Variants in KPNA1 observed in about 807,000 individuals in gnomAD.
KPNA1 encodes the protein importin subunit alpha-5.
In KPNA1, 10 loss-of-function variants were observed where a neutral mutation model predicts 70.5. The observed-to-expected ratio is 0.14, with a 90% CI of 0.09 to 0.24. The LOEUF (loss-of-function observed/expected upper bound fraction) is 0.24, where lower values mean the gene tolerates loss of function less well. KPNA1 is among the 10% of genes least tolerant of loss of function. KPNA1 has a pLI of 1.00. For synonymous variants in KPNA1, 192 were observed against 221.9 expected (o/e 0.87, Z 1.20); for missense variants, 397 against 637.9 (o/e 0.62, Z 4.07).
chr3:122,435,310 T>C (rs2075970681), intron 11 of KPNA1, among the ~76,000 whole-genome samples: 1 of 152,186 alleles, frequency 6.6e-6, no homozygotes, highest in South Asian at 2.1e-4. Context: ...CACTGTTCCA[T>C]CCTTGAACAT....
Position 122,505,735 on chromosome 3 carries a change from C to T in KPNA1, c.-6+9022G>A, listed in dbSNP as rs535039682. On this transcript the variant is annotated intron_variant, in intron 1 of 13. Coordinates refer to ENST00000344337, the MANE Select transcript of KPNA1 (RefSeq NM_002264.4). ...AGACAGATCCCCTCACTTTCTCCTT[C>T]ATGTCTAGTTACTCAATTATCAAAT... Among the ~76,000 whole-genome samples, 5 of 152,344 alleles carry T rather than the reference C, an allele frequency of 3.3e-5. No homozygotes were observed. In the East Asian group the frequency reaches 9.6e-4, roughly 29 times the overall value.
intron 2 of KPNA1, among the ~76,000 whole-genome samples, chr3:122,485,571 T>G (rs2076620094): frequency 6.6e-6 from 1 of 151,968 alleles, no homozygotes; most frequent in Non-Finnish European, 1.5e-5. Flanking sequence ...AAAATATGTG[T>G]AAAACACGTA....
At chr3:122,513,111 A>G (rs193031205) in intron 1 of KPNA1, among the ~76,000 whole-genome samples, 1 of 152,352 alleles carries the variant, frequency 6.6e-6, no homozygotes, top group East Asian at 1.9e-4. Context: ...AAAAGTATGA[A>G]AGGAGAGAAA....
chr3:122,482,733 A>C (rs1362242710), intron 2 of KPNA1, among the ~76,000 whole-genome samples: 1 of 152,246 alleles, frequency 6.6e-6, no homozygotes, highest in African/African-American at 2.4e-5. Flanking sequence ...AATAACAATT[A>C]CAACAGCATC....
At position 122,475,642 on chromosome 3, in the gene KPNA1, C is replaced by T. The variant is rs79913889; in HGVS notation, c.130-8213G>A. 6.7e-3 allele frequency among the ~76,000 whole-genome samples: 1,014 copies of T among 152,194 alleles called. 5 individuals carry two copies. Among genetic ancestry groups the T allele is most frequent in the African/African-American group, 0.023 (971 of 41,520 alleles). On this transcript the variant is annotated intron_variant, in intron 2 of 13. Coordinates refer to ENST00000344337, the MANE Select transcript of KPNA1 (RefSeq NM_002264.4). ...GACACAGGCGTTAGGGAAGCCAATC[C>T]CCTACGCAGTCAAAAACCTACATAT...
chr3:122,510,577 T>C (rs2076943994), intron 1 of KPNA1, among the ~76,000 whole-genome samples: 1 of 152,234 alleles, frequency 6.6e-6, no homozygotes, highest in Non-Finnish European at 1.5e-5. Flanking sequence ...ACACCTGTGA[T>C]AACTATATTT....
intron 2 of KPNA1, among the ~76,000 whole-genome samples, chr3:122,486,988 T>C (rs2076637079): frequency 6.6e-6 from 1 of 152,168 alleles, no homozygotes; most frequent in South Asian, 2.1e-4. Flanking sequence ...CTGTCCTGTG[T>C]GAACTGTAGC....
At chr3:122,455,543 G>A (rs113241711) in intron 5 of KPNA1, among the ~76,000 whole-genome samples, 32 of 152,004 alleles carry the variant, frequency 2.1e-4, no homozygotes, top group African/African-American at 6.5e-4. Flanking sequence ...CATTTGTACC[G>A]TACTTTATAT....
chr3:122,489,677 A>C (rs1370016163), intron 2 of KPNA1, among the ~76,000 whole-genome samples: 1 of 152,190 alleles, frequency 6.6e-6, no homozygotes, highest in Non-Finnish European at 1.5e-5. Flanking sequence ...CATCTTTATC[A>C]GTCGAGTCAG....
intron 5 of KPNA1, chr3:122,460,662 A>AT (rs59135969): frequency 1.2e-3 from 965 of 797,234 alleles, no homozygotes; most frequent in East Asian, 1.4e-3. Context: ...AAAAAAAAAA[A>AT]GAAAATTCTG....
At chr3:122,485,444 T>C (rs1425874719) in intron 2 of KPNA1, among the ~76,000 whole-genome samples, 1 of 135,856 alleles carries the variant, frequency 7.4e-6, no homozygotes, top group Admixed American at 7.5e-5. Context: ...AACGACTGGA[T>C]AGCCATATGC....
chr3:122,509,247 CAA>C (rs112225791), intron 1 of KPNA1, among the ~76,000 whole-genome samples: 28 of 121,928 alleles, frequency 2.3e-4, no homozygotes, highest in Non-Finnish European at 3.0e-4. Flanking sequence ...CTCTATCAAA[CAA>C]AAAAAAAAAA....
In KPNA1 at chr3:122,459,593, C is replaced by T; in HGVS notation, c.432+1631G>A. 3.0e-6 allele frequency: 3 copies of T among 985,430 alleles called. No individual in the cohort carries two copies. In the South Asian group the frequency reaches 1.4e-4, roughly 46 times the overall value. 61.0% of individuals were successfully genotyped at this position (985,430 alleles called of 1,614,324 possible). On this transcript the variant is annotated intron_variant, in intron 5 of 13. Transcript: ENST00000344337. ...TTTTATCCTGAGAAAAGTCTCTCTT[C>T]CCTTGCTCTCAGGGTGAACGTGATT... is the stretch of plus-strand genomic sequence containing the variant.
chr3:122,443,957 CAG>C (rs1310255540), intron 9 of KPNA1, among the ~76,000 whole-genome samples: 3 of 152,154 alleles, frequency 2.0e-5, no homozygotes, highest in Non-Finnish European at 4.4e-5. Context: ...TAGAATTCGC[CAG>C]GCTGGAATTT....
chr3:122,482,712 G>A (rs1224670869), intron 2 of KPNA1, among the ~76,000 whole-genome samples: 3 of 152,072 alleles, frequency 2.0e-5, no homozygotes, highest in Non-Finnish European at 2.9e-5. Flanking sequence ...ATGAACAACT[G>A]AAATCTAAAA....
chr3:122,449,977 A>T (rs550485404), intron 8 of KPNA1, among the ~76,000 whole-genome samples: 1 of 152,338 alleles, frequency 6.6e-6, no homozygotes, highest in Admixed American at 6.5e-5. Flanking sequence ...TTTTATATAC[A>T]TCAATTCTTG....
At chr3:122,430,863 C>A (rs2075895822) in intron 12 of KPNA1, among the ~76,000 whole-genome samples, 1 of 152,086 alleles carries the variant, frequency 6.6e-6, no homozygotes, top group Non-Finnish European at 1.5e-5. Context: ...TTCCCAATAC[C>A]CAAGACTGAG....
chr3:122,489,302 T>TG lies in KPNA1; in HGVS notation c.129+7134_129+7135insC, dbSNP rs918568639. ...CTTTGTTTGTTTTTTTTTGTTTGTT[T>TG]TTTTTTTAAGAGGGTCTCACTCTGT... is the stretch of plus-strand genomic sequence containing the variant. On this transcript the variant is annotated intron_variant, in intron 2 of 13. Coordinates refer to ENST00000344337, the MANE Select transcript of KPNA1 (RefSeq NM_002264.4). Among the ~76,000 whole-genome samples the TG allele has an allele frequency of 8.6e-5, 13 of 151,712 alleles. No individual in the cohort carries two copies. The East Asian group carries it at 9.7e-4, about 11-fold the overall frequency.
intron 2 of KPNA1, among the ~76,000 whole-genome samples, chr3:122,489,321 ACT>A (rs984545812): frequency 6.7e-5 from 10 of 149,300 alleles, no homozygotes; most frequent in Non-Finnish European, 1.0e-4. Flanking sequence ...AGAGGGTCTC[ACT>A]CTGTCACTCA....
Sources: allele counts gnomAD v4.1 joint callset (sites outside exome capture counted in the v4.1 genomes callset), GRCh38; gene constraint gnomAD v4.1.1; transcripts MANE v1.5; gene names NCBI Gene and HGNC (gene_info 2026-07-23, HGNC 2026-07-21).